Variants in DLG2 observed in about 807,000 individuals in gnomAD.
The protein encoded by DLG2 is disks large homolog 2.
A neutral mutation model predicts 132.5 loss-of-function variants in DLG2; 45 were observed. That is an observed-to-expected ratio of 0.34 (90% CI 0.27 to 0.44). The LOEUF is 0.44. Ranked by LOEUF, DLG2 falls within the 20% of genes least tolerant of loss-of-function variation. The probability of loss-of-function intolerance (pLI) is 1.00; values close to 1 mark genes in which losing one functional copy is unlikely to be tolerated. For synonymous variants in DLG2, 424 were observed against 419.6 expected (o/e 1.01, Z -0.13); for missense variants, 1,045 against 1,196.9 (o/e 0.87, Z 1.87).
chr11:85,408,016 A>G (rs1392879259), intron 3 of DLG2, among the ~76,000 whole-genome samples: 1 of 151,826 alleles, frequency 6.6e-6, no homozygotes, highest in African/African-American at 2.4e-5. Context: ...TAGACAAAAA[A>G]AAAAGACTGA....
intron 16 of DLG2, among the ~76,000 whole-genome samples, chr11:83,865,356 A>G (rs2062124676): frequency 1.3e-5 from 2 of 152,108 alleles, no homozygotes; most frequent in African/African-American, 2.4e-5. Context: ...ACCACCTTAC[A>G]AAGCTGCTAT....
intron 8 of DLG2, among the ~76,000 whole-genome samples, chr11:84,187,692 A>AT (rs2096305954): frequency 6.6e-6 from 1 of 152,058 alleles, no homozygotes; most frequent in Non-Finnish European, 1.5e-5. Context: ...GGATTTTAGG[A>AT]TAAAAAAAAT....
chr11:85,577,290 G>A (rs1157928281), intron 3 of DLG2, among the ~76,000 whole-genome samples: 2 of 152,082 alleles, frequency 1.3e-5, no homozygotes, highest in Non-Finnish European at 2.9e-5. Flanking sequence ...TAGTTGCTCA[G>A]GACAGTATGG....
intron 4 of DLG2, among the ~76,000 whole-genome samples, chr11:85,268,339 G>C (rs72950129): frequency 0.048 from 7,264 of 152,238 alleles, 228 homozygotes; most frequent in East Asian, 0.095. Flanking sequence ...TCACATATCT[G>C]TGACCTGGAA....
intron 6 of DLG2, among the ~76,000 whole-genome samples, chr11:84,758,187 T>C (rs2067145228): frequency 6.6e-6 from 1 of 152,242 alleles, no homozygotes; most frequent in African/African-American, 2.4e-5. Flanking sequence ...GAGAGCTTTC[T>C]CTTTGTACCT....
Position 84,125,292 on chromosome 11 carries a change from C to T in DLG2, c.625-26245G>A, listed in dbSNP as rs192842441. Among the ~76,000 whole-genome samples, 603 of 152,190 alleles carry T rather than the reference C, an allele frequency of 4.0e-3. 1 individual carries two copies. The highest frequency in any genetic ancestry group is 6.6e-3 in the Non-Finnish European group (446 of 67,996). On this transcript the variant is annotated intron_variant, in intron 9 of 27. Transcript: ENST00000376104. ...AGACAGCACTTATAATACTACAAAT[C>T]CAACCTCACACACACAAGTTTTTGG...
At chr11:85,320,061 T>A (rs2080952615) in intron 3 of DLG2, among the ~76,000 whole-genome samples, 1 of 151,840 alleles carries the variant, frequency 6.6e-6, no homozygotes, top group African/African-American at 2.4e-5. Flanking sequence ...CTCTCATATA[T>A]TTTCTAGATG....
intron 18 of DLG2, among the ~76,000 whole-genome samples, chr11:83,708,194 A>T (rs989049950): frequency 1.3e-5 from 2 of 152,224 alleles, no homozygotes; most frequent in Non-Finnish European, 2.9e-5. Context: ...CCTAAACTAG[A>T]TCTGAAACAT....
chr11:84,228,868 T>A (rs2097049160), intron 8 of DLG2, among the ~76,000 whole-genome samples: 1 of 152,204 alleles, frequency 6.6e-6, no homozygotes. Context: ...AACTTTAGCT[T>A]CAGTGTGCCT....
intron 16 of DLG2, among the ~76,000 whole-genome samples, chr11:83,855,737 G>A (rs1380786280): frequency 6.6e-6 from 1 of 152,138 alleles, no homozygotes; most frequent in East Asian, 1.9e-4. Context: ...TACATCAGGA[G>A]GCTGAGGCAG....
At position 84,564,167 on chromosome 11, in the gene DLG2, A is replaced by G. The variant is rs562694492; in HGVS notation, c.358-29436T>C. Among the ~76,000 whole-genome samples, 197 of 152,354 alleles carry G rather than the reference A, an allele frequency of 1.3e-3. 2 individuals carry two copies. Among genetic ancestry groups the G allele is most frequent in the African/African-American group, 4.4e-3 (185 of 41,578 alleles). On this transcript the variant is annotated intron_variant, in intron 6 of 27. Transcript: ENST00000376104. ...AGTGACCCTAACTGAAGCTGTGACAATAACAGGTGGTTGCAAAGGCTCGTC... is the reference window on the plus strand; with the variant it reads ...AGTGACCCTAACTGAAGCTGTGACAGTAACAGGTGGTTGCAAAGGCTCGTC...
At chr11:84,424,082 C>G (rs2098959026) in intron 7 of DLG2, among the ~76,000 whole-genome samples, 1 of 152,134 alleles carries the variant, frequency 6.6e-6, no homozygotes, top group South Asian at 2.1e-4. Flanking sequence ...AGATGATGCT[C>G]TCTTGGGTAG....
chr11:84,699,463 G>A (rs1043581966), intron 6 of DLG2, among the ~76,000 whole-genome samples: 5 of 151,438 alleles, frequency 3.3e-5, no homozygotes, highest in African/African-American at 1.2e-4. Flanking sequence ...TATGGTGAGG[G>A]GAAGAGCATT....
At chr11:84,287,016 G>A (rs549631862) in intron 7 of DLG2, among the ~76,000 whole-genome samples, 8 of 152,254 alleles carry the variant, frequency 5.3e-5, no homozygotes, top group African/African-American at 1.9e-4. Context: ...TTCCTCATAT[G>A]TAAAGTGGGT....
At chr11:85,530,553 C>T (rs975480036) in intron 3 of DLG2, among the ~76,000 whole-genome samples, 5 of 151,528 alleles carry the variant, frequency 3.3e-5, no homozygotes, top group Admixed American at 2.0e-4. Flanking sequence ...GAACTCCTCA[C>T]CTTGTCATCT....
chr11:85,082,727 TTTTC>T (rs1160408903), intron 6 of DLG2, among the ~76,000 whole-genome samples: 14 of 146,154 alleles, frequency 9.6e-5, no homozygotes, highest in Admixed American at 2.1e-4. Context: ...TGGTTTTTTC[TTTTC>T]TTTCTTTTTT....
At chr11:85,377,078 T>A (rs563511116) in intron 3 of DLG2, among the ~76,000 whole-genome samples, 10 of 152,300 alleles carry the variant, frequency 6.6e-5, no homozygotes, top group Non-Finnish European at 1.3e-4. Flanking sequence ...ATAGCCAAGG[T>A]CATGTAAGTG....
At chr11:85,383,675 C>A (rs1216604775) in intron 3 of DLG2, among the ~76,000 whole-genome samples, 1 of 152,166 alleles carries the variant, frequency 6.6e-6, no homozygotes, top group Admixed American at 6.5e-5. Flanking sequence ...AAATAAAATA[C>A]AGCCTTTAAA....
chr11:83,949,204 G>T (rs1215528998), intron 14 of DLG2, among the ~76,000 whole-genome samples: 1 of 152,066 alleles, frequency 6.6e-6, no homozygotes, highest in Admixed American at 6.5e-5. Context: ...AACTAACTGA[G>T]ATTGTAGACT....
Sources: gnomAD v4.1 joint callset for allele counts (sites outside exome capture counted in the v4.1 genomes callset) on GRCh38, gnomAD v4.1.1 for gene constraint, MANE v1.5 for transcripts, NCBI Gene and HGNC (gene_info 2026-07-23, HGNC 2026-07-21) for gene names.